The following PDE9A variants were observed in gnomAD, a reference collection of about 807,000 sequenced individuals.
PDE9A encodes the protein high affinity cGMP-specific 3',5'-cyclic phosphodiesterase 9A.
A neutral mutation model predicts 87.4 loss-of-function variants in PDE9A; 60 were observed. That is an observed-to-expected ratio of 0.69 (90% CI 0.56 to 0.85). The LOEUF is 0.85. Ranked by LOEUF, PDE9A falls within the 40% of genes least tolerant of loss-of-function variation. PDE9A has a pLI of 0.00. For synonymous variants in PDE9A, 272 were observed against 279.4 expected, an observed-to-expected ratio of 0.97 and a Z score of 0.27; for missense variants, 665 against 779.0, an observed-to-expected ratio of 0.85 and a Z score of 1.74.
At chr21:42,772,965 C>A (rs2057151441) in intron 19 of PDE9A, among the ~76,000 whole-genome samples, 1 of 150,728 alleles carries the variant, frequency 6.6e-6, no homozygotes, top group African/African-American at 2.4e-5. Flanking sequence ...TGCAACTAAT[C>A]ATTAGAATTA....
intron 17 of PDE9A, 106 bp downstream of exon 17, chr21:42,769,261 ACACT>A (rs1385435163): frequency 7.8e-6 from 8 of 1,021,464 alleles, no homozygotes; most frequent in Admixed American, 4.0e-5. Flanking sequence ...ACACAGACAC[ACACT>A]CATGCACACA....
In PDE9A at chr21:42,704,585, C is replaced by G. The variant is rs1027832989; in HGVS notation, c.262+5574C>G. 2.0e-5 allele frequency among the ~76,000 whole-genome samples: 3 copies of G among 152,236 alleles called. No individual in the cohort carries two copies. On this transcript the variant is annotated intron_variant, in intron 4 of 19. Transcript: ENST00000291539. This position sits in a 1 kb window ranked among gnomAD's most constrained non-coding sequence, Gnocchi z 5.3. ...CCTCTCCCGTCCATCGGCCTTGGGT[C>G]CCAGAGCCACTGAGCCGTGGCCCAA...
At chr21:42,698,932 CAG>C (rs1260272431) in intron 3 of PDE9A, 34 bp from the exon 4 acceptor site, 1 of 1,562,218 alleles carries the variant, frequency 6.4e-7, no homozygotes, top group South Asian at 1.1e-5. Flanking sequence ...GAGCGCCTTG[CAG>C]AGTCTCACAG....
intron 15 of PDE9A, among the ~76,000 whole-genome samples, chr21:42,767,784 G>A (rs2056546892): frequency 6.6e-6 from 1 of 152,214 alleles, no homozygotes; most frequent in Admixed American, 6.5e-5. Flanking sequence ...GGTGGAAGCT[G>A]CTGCATTCCT....
Position 42,743,832 on chromosome 21 carries a change from AG to A in PDE9A, c.628del (p.Glu210ArgfsTer25). ...EKCKSDIKKMREELAARSSRT... is the reference protein window; with the variant it reads ...EKCKSDIKKMXEELAARSSRT... The stretch of plus-strand genomic sequence containing the variant: ...ATGCAAGAGTGACATTAAGAAGATG[AG>A]GGAGGAGCTGGCGGCCAGAAGCAGC... On this transcript the variant is annotated frameshift_variant, in exon 8 of 20. Coordinates refer to ENST00000291539, the MANE Select transcript of PDE9A (RefSeq NM_002606.3). LOFTEE classifies it high-confidence loss of function. The A allele has an allele frequency of 6.3e-7, 1 of 1,587,992 alleles. No homozygotes were observed. Among genetic ancestry groups the A allele is most frequent in the South Asian group, 1.1e-5 (1 of 87,074 alleles).
At chr21:42,745,189 G>C (rs1443792533) in intron 8 of PDE9A, among the ~76,000 whole-genome samples, 2 of 152,194 alleles carry the variant, frequency 1.3e-5, no homozygotes, top group Non-Finnish European at 2.9e-5. Context: ...AAGCCGACGG[G>C]CCTCATCTGG....
chr21:42,720,161 G>T (rs917198072), intron 4 of PDE9A, among the ~76,000 whole-genome samples: 2 of 152,144 alleles, frequency 1.3e-5, no homozygotes, highest in Non-Finnish European at 2.9e-5. Flanking sequence ...TCCCCCAGCG[G>T]CATCCGTTCG....
rs1432289101 is a variant in PDE9A, at chr21:42,758,980, CCTT to C, written c.811-16_811-14del. 6 of 1,601,802 alleles carry C rather than the reference CCTT, an allele frequency of 3.7e-6. No individual in the cohort carries two copies. The African/African-American group carries it at 5.4e-5, about 14-fold the overall frequency. ...GGCCACACAACTGCCCAGTGCCTATCCTTCTCCTGTGCCCACAGATGCTGAGCT... is the reference window on the plus strand; with the variant it reads ...GGCCACACAACTGCCCAGTGCCTATCCTCCTGTGCCCACAGATGCTGAGCT... On this transcript the variant is annotated splice_polypyrimidine_tract_variant and intron_variant, in intron 10 of 19. Transcript: ENST00000291539.
rs191698460 is a variant in PDE9A, at chr21:42,670,714, C to A, written c.70-15478C>A. 9.9e-5 allele frequency among the ~76,000 whole-genome samples: 15 copies of A among 151,902 alleles called. No individual in the cohort carries two copies. The East Asian group carries it at 1.2e-3, about 12-fold the overall frequency. ...GCTCACACACTCACACATACACTTA[C>A]ACTCACAGTCACATACACCCACATT... On this transcript the variant is annotated intron_variant, in intron 1 of 19. Coordinates refer to ENST00000291539, the MANE Select transcript of PDE9A (RefSeq NM_002606.3).
At chr21:42,725,804 T>C (rs1227226983) in intron 4 of PDE9A, among the ~76,000 whole-genome samples, 1 of 152,228 alleles carries the variant, frequency 6.6e-6, no homozygotes, top group Non-Finnish European at 1.5e-5. Flanking sequence ...GCCAGGAACA[T>C]GTGGACAGGC....
chr21:42,771,535 C>T (rs1189248105), intron 18 of PDE9A, among the ~76,000 whole-genome samples: 4 of 152,238 alleles, frequency 2.6e-5, no homozygotes, highest in Non-Finnish European at 5.9e-5. Context: ...CCGGTGTTGC[C>T]TCTGCCACCC....
intron 4 of PDE9A, among the ~76,000 whole-genome samples, chr21:42,726,624 A>ATATATATATATATATTTTTTTTTTT: frequency 6.1e-4 from 12 of 19,768 alleles, no homozygotes; most frequent in Non-Finnish European, 8.2e-4. Flanking sequence ...ATATATATAT[A>ATATATATATATATATTTTTTTTTTT]TTTTTTTTTT....
At chr21:42,662,858 TCA>T (rs1468165547) in intron 1 of PDE9A, among the ~76,000 whole-genome samples, 3 of 98,726 alleles carry the variant, frequency 3.0e-5, no homozygotes, top group African/African-American at 8.2e-5. Flanking sequence ...CACATGCACA[TCA>T]CACACGTACA....
At chr21:42,689,607 C>G (rs921344058) in intron 3 of PDE9A, 1 of 985,448 alleles carries the variant, frequency 1.0e-6, no homozygotes, top group Non-Finnish European at 1.2e-6. Flanking sequence ...TCATTTGAAA[C>G]AGCGTGCAGA....
At chr21:42,668,507 G>A (rs1027867357) in intron 1 of PDE9A, among the ~76,000 whole-genome samples, 5 of 152,222 alleles carry the variant, frequency 3.3e-5, no homozygotes, top group Admixed American at 2.6e-4. Flanking sequence ...GAAATGCCCC[G>A]TGAGAGTCCT....
intron 1 of PDE9A, among the ~76,000 whole-genome samples, chr21:42,685,486 G>A (rs914314205): frequency 1.7e-5 from 1 of 58,998 alleles, no homozygotes; most frequent in Non-Finnish European, 3.2e-5. Flanking sequence ...TTTTTTTTGA[G>A]ACGGAGTTTC....
chr21:42,740,764 G>A (rs1339475480), intron 7 of PDE9A, among the ~76,000 whole-genome samples: 152 of 148,040 alleles, frequency 1.0e-3, no homozygotes, highest in Middle Eastern at 3.6e-3. Context: ...AGGATAGATA[G>A]ATAGATAGAT....
chr21:42,759,115 C>A lies in PDE9A; in HGVS notation c.897+30C>A, dbSNP rs1208435105. On this transcript the variant is annotated intron_variant, in intron 11 of 19. Transcript: ENST00000291539. This position sits in a 1 kb window ranked among gnomAD's most constrained non-coding sequence, Gnocchi z 7.2. ...GTGCCAAACCCGCCTTCGGTTCTTC[C>A]TGGGCACGTGGTTTCATCCAGTTCC... The A allele has an allele frequency of 2.0e-6, 3 of 1,533,172 alleles. No homozygotes were observed. Among genetic ancestry groups the A allele is most frequent in the Admixed American group, 1.7e-5 (1 of 59,768 alleles). The allele number at this position is 1,533,172 out of a possible 1,614,324, so 95.0% of individuals were successfully genotyped here. A position where few individuals can be genotyped will look rare whatever the true frequency, so the allele number is the denominator to read the frequency against.
In PDE9A at chr21:42,760,817, C is replaced by G. The variant is rs369556707; in HGVS notation, c.1003-8C>G. On this transcript the variant is annotated splice_polypyrimidine_tract_variant and splice_region_variant and intron_variant, in intron 12 of 19. Transcript: ENST00000291539. This position sits in a 1 kb window ranked among gnomAD's most constrained non-coding sequence, Gnocchi z 5.2. ...GAGCAAACACCTACGCCCTGTTTTC[C>G]AATCCAGGAGAAGTTCTCACAAACG... The G allele has an allele frequency of 2.0e-5, 32 of 1,585,252 alleles. No homozygotes were observed. In the African/African-American group the frequency reaches 3.9e-4, roughly 19 times the overall value.
Sources: gnomAD v4.1 joint callset for allele counts (sites outside exome capture counted in the v4.1 genomes callset) on GRCh38, gnomAD v4.1.1 for gene constraint, Gnocchi (gnomAD v3.1) non-coding constraint, MANE v1.5 for transcripts, NCBI Gene and HGNC (gene_info 2026-07-23, HGNC 2026-07-21) for gene names.